The following ARHGAP15 variants were observed in gnomAD, a reference collection of about 807,000 sequenced individuals.
ARHGAP15 encodes rho GTPase-activating protein 15.
In ARHGAP15, 51 loss-of-function variants were observed where a neutral mutation model predicts 63.7. The observed-to-expected ratio is 0.80, with a 90% CI of 0.64 to 1.01. ARHGAP15 has a LOEUF of 1.01. ARHGAP15 is among the 50% of genes least tolerant of loss of function. ARHGAP15 has a pLI of 0.00. For missense variants in ARHGAP15, 560 were observed against 564.6 expected (o/e 0.99, Z 0.08); for synonymous variants, 191 against 193.8 (o/e 0.99, Z 0.12).
intron 6 of ARHGAP15, among the ~76,000 whole-genome samples, chr2:143,407,257 CTT>C (rs1327725318): frequency 1.3e-5 from 2 of 151,804 alleles, no homozygotes; most frequent in Non-Finnish European, 2.9e-5. Flanking sequence ...CTCTCTCTCT[CTT>C]AACTCAGCCT....
chr2:143,563,695 T>C (rs1016345736), intron 11 of ARHGAP15, among the ~76,000 whole-genome samples: 16 of 152,180 alleles, frequency 1.1e-4, no homozygotes, highest in Non-Finnish European at 2.9e-5. Flanking sequence ...TTTACAAAAT[T>C]CCATCATGAT....
At chr2:143,381,505 A>G (rs530635427) in intron 6 of ARHGAP15, among the ~76,000 whole-genome samples, 1 of 152,168 alleles carries the variant, frequency 6.6e-6, no homozygotes, top group South Asian at 2.1e-4. Flanking sequence ...AGAAAAATAA[A>G]TCTCTTATAT....
chr2:143,379,918 A>C (rs900265479), intron 6 of ARHGAP15, among the ~76,000 whole-genome samples: 2 of 152,070 alleles, frequency 1.3e-5, no homozygotes, highest in Non-Finnish European at 2.9e-5. Context: ...CTCATTTTCA[A>C]TCCTCAAAAT....
intron 6 of ARHGAP15, among the ~76,000 whole-genome samples, chr2:143,405,135 A>G (rs1022614405): frequency 3.3e-5 from 5 of 151,772 alleles, no homozygotes; most frequent in African/African-American, 9.7e-5. Context: ...ATGCAAATAA[A>G]TCTTTTTATC....
chr2:143,436,294 A>G (rs1689610263), intron 7 of ARHGAP15, among the ~76,000 whole-genome samples: 1 of 152,174 alleles, frequency 6.6e-6, no homozygotes, highest in African/African-American at 2.4e-5. Flanking sequence ...TAATATTTGC[A>G]AAATTTTGGG....
intron 12 of ARHGAP15, among the ~76,000 whole-genome samples, chr2:143,678,721 T>C (rs1343169862): frequency 6.6e-6 from 1 of 152,234 alleles, no homozygotes; most frequent in African/African-American, 2.4e-5. Context: ...TAATTACTTT[T>C]GATAAGATCA....
chr2:143,611,636 C>T (rs1265437665), intron 11 of ARHGAP15, among the ~76,000 whole-genome samples: 1 of 152,094 alleles, frequency 6.6e-6, no homozygotes, highest in Non-Finnish European at 1.5e-5. Flanking sequence ...TTTGTCTGTC[C>T]AGTCTTTATC....
intron 10 of ARHGAP15, among the ~76,000 whole-genome samples, chr2:143,555,860 AAGAATAGAATAGAATAGAAT>A (rs60637898): frequency 0.066 from 9,108 of 138,112 alleles, 412 homozygotes; most frequent in Admixed American, 0.092. Flanking sequence ...ACAGGAAAAC[AAGAATAGAATAGAATAGAAT>A]AGAATAGAAT....
At chr2:143,654,977 T>C (rs183864711) in intron 12 of ARHGAP15, among the ~76,000 whole-genome samples, 1 of 152,248 alleles carries the variant, frequency 6.6e-6, no homozygotes, top group African/African-American at 2.4e-5. Flanking sequence ...CACATCTGTA[T>C]TCCCAGCTAC....
intron 6 of ARHGAP15, among the ~76,000 whole-genome samples, chr2:143,433,902 G>T (rs1157044028): frequency 6.6e-6 from 1 of 152,058 alleles, no homozygotes; most frequent in Non-Finnish European, 1.5e-5. Flanking sequence ...TTAGGATGAA[G>T]GTAGAGGTCT....
chr2:143,213,508 C>T (rs915795262), intron 3 of ARHGAP15, among the ~76,000 whole-genome samples: 2 of 151,654 alleles, frequency 1.3e-5, no homozygotes, highest in Non-Finnish European at 2.9e-5. Context: ...AGCAAAACTC[C>T]GTCTCAAAAA....
chr2:143,260,262 C>T (rs1680651659), intron 6 of ARHGAP15, among the ~76,000 whole-genome samples: 1 of 152,088 alleles, frequency 6.6e-6, no homozygotes, highest in Non-Finnish European at 1.5e-5. Flanking sequence ...TCTCAAGCAT[C>T]AGTGTATTAA....
intron 9 of ARHGAP15, among the ~76,000 whole-genome samples, chr2:143,517,560 T>G (rs1028327818): frequency 6.6e-6 from 1 of 152,202 alleles, no homozygotes; most frequent in African/African-American, 2.4e-5. Context: ...GCCAACACTG[T>G]CTAGGTACTC....
At chr2:143,291,910 C>T (rs1320940504) in intron 6 of ARHGAP15, among the ~76,000 whole-genome samples, 1 of 152,048 alleles carries the variant, frequency 6.6e-6, no homozygotes, top group Non-Finnish European at 1.5e-5. Flanking sequence ...GAAATTTAAT[C>T]AAAAACTCAG....
intron 6 of ARHGAP15, among the ~76,000 whole-genome samples, chr2:143,387,859 ACGCACATACACATACACGCATGCG>A (rs1687361475): frequency 6.6e-6 from 1 of 151,412 alleles, no homozygotes; most frequent in African/African-American, 2.4e-5. Flanking sequence ...ACACGCATGG[ACGCACATACACATACACGCATGCG>A]TGCACATACA....
chr2:143,466,888 A>G (rs899675555), intron 8 of ARHGAP15, among the ~76,000 whole-genome samples: 13 of 152,130 alleles, frequency 8.5e-5, no homozygotes, highest in African/African-American at 3.1e-4. Flanking sequence ...TAATGGCAAA[A>G]TGTACTTCTC....
At chr2:143,217,605 G>A (rs1037737189) in intron 4 of ARHGAP15, among the ~76,000 whole-genome samples, 3 of 152,050 alleles carry the variant, frequency 2.0e-5, no homozygotes, top group Admixed American at 6.6e-5. Context: ...GTGGTGAATT[G>A]GGCTTAGAGA....
chr2:143,573,385 A>G (rs1696540300), intron 11 of ARHGAP15, among the ~76,000 whole-genome samples: 1 of 152,204 alleles, frequency 6.6e-6, no homozygotes, highest in South Asian at 2.1e-4. Flanking sequence ...GTTCCACTCT[A>G]GGAAAATCAA....
chr2:143,319,939 C>T (rs1270281356), intron 6 of ARHGAP15, among the ~76,000 whole-genome samples: 1 of 152,162 alleles, frequency 6.6e-6, no homozygotes, highest in African/African-American at 2.4e-5. Context: ...TCAACTGTTA[C>T]ATTTAATAGA....
Sources: allele counts gnomAD v4.1 joint callset (sites outside exome capture counted in the v4.1 genomes callset), GRCh38; gene constraint gnomAD v4.1.1; transcripts MANE v1.5; gene names NCBI Gene and HGNC (gene_info 2026-07-23, HGNC 2026-07-21).